Variants in DLG2 observed in about 807,000 individuals in gnomAD.
DLG2 encodes the protein discs large MAGUK scaffold protein 2.
A neutral mutation model predicts 132.5 loss-of-function variants in DLG2; 45 were observed. The observed-to-expected ratio is 0.34, with a 90% confidence interval of 0.27 to 0.44. The LOEUF (loss-of-function observed/expected upper bound fraction) is 0.44, where lower values mean the gene tolerates loss of function less well. DLG2 is among the 20% of genes least tolerant of loss of function. The probability of loss-of-function intolerance (pLI) is 1.00; values close to 1 mark genes in which losing one functional copy is unlikely to be tolerated. For missense variants in DLG2, 1,045 were observed against 1,196.9 expected (o/e 0.87, Z 1.87); for synonymous variants, 424 against 419.6 (o/e 1.01, Z -0.13).
chr11:85,018,790 C>CTT (rs59380438), intron 6 of DLG2, among the ~76,000 whole-genome samples: 129 of 135,676 alleles, frequency 9.5e-4, no homozygotes, highest in African/African-American at 3.4e-3. Flanking sequence ...AACATGCCTT[C>CTT]TTTTTTTTTT....
chr11:84,117,934 T>C (rs905762904), intron 9 of DLG2, among the ~76,000 whole-genome samples: 6 of 152,070 alleles, frequency 3.9e-5, no homozygotes, highest in African/African-American at 1.4e-4. Context: ...CGGCTCACTG[T>C]GGCCTCTGTC....
At chr11:83,891,199 T>G (rs1036812923) in intron 15 of DLG2, among the ~76,000 whole-genome samples, 1 of 151,890 alleles carries the variant, frequency 6.6e-6, no homozygotes, top group African/African-American at 2.4e-5. Context: ...AAGTGAAAAC[T>G]GAAATGAAGA....
intron 3 of DLG2, among the ~76,000 whole-genome samples, chr11:85,427,370 C>T (rs1565477313): frequency 6.6e-6 from 1 of 152,134 alleles, no homozygotes; most frequent in Non-Finnish European, 1.5e-5. Context: ...TAAGGGCAGC[C>T]AGAGAGAAAG....
intron 3 of DLG2, among the ~76,000 whole-genome samples, chr11:85,537,478 CCAGGAGGGATGAACAACTCCAGA>C (rs1374616690): frequency 3.3e-5 from 5 of 152,064 alleles, no homozygotes; most frequent in African/African-American, 9.7e-5. Flanking sequence ...CACCAACCCA[CCAGGAGGGATGAACAACTCCAGA>C]CAGGAGGGAT....
chr11:85,272,550 T>A (rs887674841), intron 4 of DLG2, among the ~76,000 whole-genome samples: 3 of 152,136 alleles, frequency 2.0e-5, no homozygotes, highest in African/African-American at 7.2e-5. Context: ...TCCACCCACA[T>A]TATTAACAGT....
intron 7 of DLG2, among the ~76,000 whole-genome samples, chr11:84,402,642 A>T (rs1331556410): frequency 6.6e-6 from 1 of 152,020 alleles, no homozygotes; most frequent in Non-Finnish European, 1.5e-5. Context: ...CAGCACTTTG[A>T]GAGGCCGAGG....
chr11:85,152,289 G>A (rs1207828531), intron 5 of DLG2, among the ~76,000 whole-genome samples: 2 of 148,828 alleles, frequency 1.3e-5, no homozygotes, highest in Non-Finnish European at 3.0e-5. Context: ...CACCCATGCT[G>A]GAGTGCAGTG....
chr11:84,985,217 T>C (rs907259729), intron 6 of DLG2, among the ~76,000 whole-genome samples: 14 of 152,180 alleles, frequency 9.2e-5, no homozygotes, highest in African/African-American at 3.4e-4. Context: ...AGGTAGACCA[T>C]ATGATAGGAC....
chr11:84,793,919 C>G (rs778626543), intron 6 of DLG2, among the ~76,000 whole-genome samples: 10 of 152,120 alleles, frequency 6.6e-5, no homozygotes, highest in Non-Finnish European at 1.5e-4. Context: ...TGAGCAAGAT[C>G]TTACTCCTGC....
At chr11:83,644,811 A>G (rs1243702723) in intron 18 of DLG2, among the ~76,000 whole-genome samples, 2 of 152,030 alleles carry the variant, frequency 1.3e-5, no homozygotes, top group Non-Finnish European at 2.9e-5. Context: ...AAAGTGAAGA[A>G]CTCCCTGGTT....
Position 85,091,134 on chromosome 11 carries a change from C to T in DLG2, c.357+20527G>A, listed in dbSNP as rs530360795. ...CTCCCATTTGGTTCCACCTCCAACA[C>T]TGGGGATCAAATTTCAACATGAGGT... is the stretch of plus-strand genomic sequence containing the variant. On this transcript the variant is annotated intron_variant, in intron 6 of 27. Coordinates refer to ENST00000376104, the MANE Select transcript of DLG2 (RefSeq NM_001142699.3). Among the ~76,000 whole-genome samples the T allele has an allele frequency of 2.6e-5, 4 of 152,312 alleles. No individual in the cohort carries two copies. In the East Asian group the frequency reaches 7.7e-4, roughly 29 times the overall value.
chr11:84,737,512 G>C, intron 6 of DLG2, among the ~76,000 whole-genome samples: 2 of 151,906 alleles, frequency 1.3e-5, no homozygotes, highest in African/African-American at 4.8e-5. Flanking sequence ...CAGAGAGAGA[G>C]AGAGAGAGAG....
At chr11:84,068,082 G>A (rs2096706074) in intron 10 of DLG2, among the ~76,000 whole-genome samples, 1 of 152,136 alleles carries the variant, frequency 6.6e-6, no homozygotes, top group South Asian at 2.1e-4. Flanking sequence ...AAACTTGAGA[G>A]CTTAATATTA....
At chr11:85,352,407 C>T (rs906777412) in intron 3 of DLG2, among the ~76,000 whole-genome samples, 1 of 152,158 alleles carries the variant, frequency 6.6e-6, no homozygotes, top group Non-Finnish European at 1.5e-5. Context: ...TCTCTATCTC[C>T]TTCAGTTCTG....
chr11:85,440,554 A>G (rs2091728052), intron 3 of DLG2, among the ~76,000 whole-genome samples: 2 of 152,238 alleles, frequency 1.3e-5, no homozygotes, highest in South Asian at 2.1e-4. Context: ...GCACCAAAGT[A>G]TACTTTAATA....
chr11:83,996,300 T>C (rs1297467833), intron 11 of DLG2, among the ~76,000 whole-genome samples: 1 of 152,080 alleles, frequency 6.6e-6, no homozygotes, highest in African/African-American at 2.4e-5. Context: ...TAAAATGGCC[T>C]ATGTCCAAAA....
intron 15 of DLG2, among the ~76,000 whole-genome samples, chr11:83,884,207 G>C (rs1392727590): frequency 5.9e-5 from 9 of 152,222 alleles, no homozygotes; most frequent in East Asian, 3.9e-4. Flanking sequence ...AGGGGTGACA[G>C]ATGGCACCTG....
intron 3 of DLG2, among the ~76,000 whole-genome samples, chr11:85,593,628 G>A (rs2079525319): frequency 6.6e-6 from 1 of 152,160 alleles, no homozygotes; most frequent in Non-Finnish European, 1.5e-5. Flanking sequence ...TCACACAACT[G>A]TAGGGGCCTT....
chr11:84,271,007 G>A (rs2097714397), intron 7 of DLG2, among the ~76,000 whole-genome samples: 1 of 152,140 alleles, frequency 6.6e-6, no homozygotes, highest in East Asian at 1.9e-4. Flanking sequence ...AAATACATGT[G>A]TGTACATGAA....
Sources: gnomAD v4.1 joint callset for allele counts (sites outside exome capture counted in the v4.1 genomes callset) on GRCh38, gnomAD v4.1.1 for gene constraint, MANE v1.5 for transcripts, NCBI Gene and HGNC (gene_info 2026-07-23, HGNC 2026-07-21) for gene names.